Variants in TSHZ3 observed in about 807,000 individuals in gnomAD.
The protein encoded by TSHZ3 is teashirt homolog 3.
In TSHZ3, 10 loss-of-function variants were observed where a neutral mutation model predicts 64.5. The observed-to-expected ratio is 0.16, with a 90% confidence interval of 0.10 to 0.26. The LOEUF (loss-of-function observed/expected upper bound fraction) is 0.26. Ranked by LOEUF, TSHZ3 falls within the 10% of genes least tolerant of loss-of-function variation. The pLI is 1.00. For missense variants in TSHZ3, 1,242 were observed against 1,421.7 expected (o/e 0.87, Z 2.03); for synonymous variants, 608 against 593.1 (o/e 1.03, Z -0.36).
At chr19:31,311,158 G>A (rs896984668) in intron 1 of TSHZ3, among the ~76,000 whole-genome samples, 1 of 152,214 alleles carries the variant, frequency 6.6e-6, no homozygotes, top group African/African-American at 2.4e-5. Context: ...GACAGACTCT[G>A]GGCTAAGCAC....
chr19:31,346,758 T>G (rs1445780362), intron 1 of TSHZ3, among the ~76,000 whole-genome samples: 1 of 150,268 alleles, frequency 6.7e-6, no homozygotes, highest in African/African-American at 2.5e-5. Flanking sequence ...GAGAAAAAAA[T>G]GGGAAGTTTC....
chr19:31,252,375 G>A (rs949563955), intron 1 of TSHZ3, among the ~76,000 whole-genome samples: 4 of 152,054 alleles, frequency 2.6e-5, no homozygotes, highest in Admixed American at 1.3e-4. Flanking sequence ...CAAAGTCAGG[G>A]CCCACCTGGA....
At chr19:31,304,780 G>A (rs1365467846) in intron 1 of TSHZ3, among the ~76,000 whole-genome samples, 1 of 152,164 alleles carries the variant, frequency 6.6e-6, no homozygotes, top group Non-Finnish European at 1.5e-5. Flanking sequence ...TTCCATACCA[G>A]TTAATTATGA....
chr19:31,336,706 G>A, intron 1 of TSHZ3, among the ~76,000 whole-genome samples: 1 of 152,158 alleles, frequency 6.6e-6, no homozygotes, highest in South Asian at 2.1e-4. Context: ...GGGGAGTGGA[G>A]GGAACAGATG....
At chr19:31,273,096 T>C (rs1976168167), downstream of TSHZ3, among the ~76,000 whole-genome samples, 1 of 152,160 alleles carries the variant, frequency 6.6e-6, no homozygotes, top group African/African-American at 2.4e-5. Context: ...AGTGGCCCAA[T>C]CTTTAGCCAG....
At chr19:31,259,001 A>G (rs1419056058) in intron 1 of TSHZ3, among the ~76,000 whole-genome samples, 1 of 152,144 alleles carries the variant, frequency 6.6e-6, no homozygotes, top group Non-Finnish European at 1.5e-5. Context: ...TTGCTTACAC[A>G]TAGTTGGTGG....
intron 1 of TSHZ3, among the ~76,000 whole-genome samples, chr19:31,332,483 C>T (rs542495139): frequency 6.6e-6 from 1 of 152,156 alleles, no homozygotes; most frequent in Admixed American, 6.5e-5. Flanking sequence ...CCACGATGAC[C>T]GACGACCCCT....
intron 4 of TSHZ3, among the ~76,000 whole-genome samples, chr19:31,219,781 A>C (rs1184245978): frequency 2.0e-5 from 3 of 149,972 alleles, no homozygotes; most frequent in Non-Finnish European, 4.4e-5. Flanking sequence ...CCAGAAGTGA[A>C]TATATATGTG....
chr19:31,193,992 G>A (rs112476560), intron 5 of TSHZ3, among the ~76,000 whole-genome samples: 35 of 152,282 alleles, frequency 2.3e-4, no homozygotes, highest in African/African-American at 7.9e-4. Context: ...GCTCTTCTTA[G>A]ATCCCAAAGG....
chr19:31,327,594 C>T (rs1916967596), intron 1 of TSHZ3, among the ~76,000 whole-genome samples: 1 of 152,182 alleles, frequency 6.6e-6, no homozygotes, highest in Non-Finnish European at 1.5e-5. Context: ...CTAGGTGATA[C>T]ACATATGTAC....
chr19:31,213,733 G>GA (rs992049798), intron 4 of TSHZ3, among the ~76,000 whole-genome samples: 15 of 152,006 alleles, frequency 9.9e-5, no homozygotes, highest in Non-Finnish European at 1.2e-4. Flanking sequence ...CTATTTAAAA[G>GA]AAAAAAACGC....
chr19:31,243,949 T>C (rs1975728509), intron 1 of TSHZ3, among the ~76,000 whole-genome samples: 1 of 152,196 alleles, frequency 6.6e-6, no homozygotes, highest in African/African-American at 2.4e-5. Flanking sequence ...CTTTTTAAAG[T>C]AGACTTGAGC....
chr19:31,168,085 C>A (rs749798685), intron 5 of TSHZ3, among the ~76,000 whole-genome samples: 3 of 151,846 alleles, frequency 2.0e-5, no homozygotes, highest in Non-Finnish European at 4.4e-5. Flanking sequence ...TAGATGCCAC[C>A]TTTTCTCAGT....
At chr19:31,186,914 T>G (rs894065721) in intron 5 of TSHZ3, among the ~76,000 whole-genome samples, 4 of 150,914 alleles carry the variant, frequency 2.7e-5, no homozygotes, top group African/African-American at 9.9e-5. Context: ...CTTACTGAGT[T>G]GTATGAATTC....
At chr19:31,228,734 A>C (rs1975503706) in intron 3 of TSHZ3, among the ~76,000 whole-genome samples, 1 of 152,128 alleles carries the variant, frequency 6.6e-6, no homozygotes, top group Non-Finnish European at 1.5e-5. Flanking sequence ...ATTTTAAATA[A>C]AAATCTCTAC....
chr19:31,342,971 T>C (rs1917480847), intron 1 of TSHZ3, among the ~76,000 whole-genome samples: 1 of 152,224 alleles, frequency 6.6e-6, no homozygotes, highest in Non-Finnish European at 1.5e-5. Flanking sequence ...CTTGCGTTTT[T>C]AAAAATGTAC....
chr19:31,290,619 G>A (rs1413744091), intron 1 of TSHZ3, among the ~76,000 whole-genome samples: 2 of 152,176 alleles, frequency 1.3e-5, no homozygotes, highest in East Asian at 1.9e-4. Context: ...GAGTCACCTA[G>A]AGACGCTACC....
rs527288207 is a variant in TSHZ3, at chr19:31,177,130, G to T, written n.810-20713C>A. Among the ~76,000 whole-genome samples the T allele has an allele frequency of 1.3e-4, 20 of 152,318 alleles. No homozygotes were observed. The East Asian group carries it at 3.9e-3, about 29-fold the overall frequency. Reference sequence around the variant, plus strand: ...CTATCCCAGCAGACTTTTCCCAGCAGCATAGTATAGAATTGCTATAAACTG... The same window carrying T: ...CTATCCCAGCAGACTTTTCCCAGCATCATAGTATAGAATTGCTATAAACTG... On this transcript the variant is annotated intron_variant and non_coding_transcript_variant, in intron 5 of 6. Transcript: ENST00000651361.
chr19:31,188,889 T>C (rs1363924335), intron 5 of TSHZ3, among the ~76,000 whole-genome samples: 1 of 151,974 alleles, frequency 6.6e-6, no homozygotes, highest in Non-Finnish European at 1.5e-5. Flanking sequence ...TTGATAGAAT[T>C]CAAAAGTGAT....
Sources: allele counts gnomAD v4.1 joint callset (sites outside exome capture counted in the v4.1 genomes callset), GRCh38; gene constraint gnomAD v4.1.1; transcripts MANE v1.5; gene names NCBI Gene and HGNC (gene_info 2026-07-23, HGNC 2026-07-21).